The following NEB variants were observed in gnomAD, a reference collection of about 807,000 sequenced individuals.
The protein encoded by NEB is nemaline myopathy type 2.
A neutral mutation model predicts 952.2 loss-of-function variants in NEB; 512 were observed. That is an observed-to-expected ratio of 0.54 (90% CI 0.50 to 0.58). The LOEUF (loss-of-function observed/expected upper bound fraction) is 0.58. Ranked by LOEUF, NEB falls within the 20% of genes least tolerant of loss-of-function variation. NEB has a pLI of 0.00. For missense variants in NEB, 8,428 were observed against 9,231.1 expected (o/e 0.91, Z 3.56); for synonymous variants, 2,900 against 3,149.8 (o/e 0.92, Z 2.66).
rs929804139 is a variant in NEB at position 151,665,349 on chromosome 2, T to C, written c.5222A>G (p.Lys1741Arg). ...AGTCCTTACCTTGTCCATGTTCAGT[T>C]TGTTACTCTTGTTAAGTGCCTGTTC... ...TMEQALNKSN[K>R]LNMDKRLYTE... Residue 1741 changes from lysine to arginine, a missense_variant, in exon 42 of 182, where the codon AAA (lysine) becomes AGA (arginine). Lys to Arg is a conservative substitution (Grantham distance 26). Coordinates refer to ENST00000397345, the MANE Select transcript of NEB (RefSeq NM_001164508.2). The C allele has an allele frequency of 6.2e-7, 1 of 1,613,522 alleles. No homozygotes were observed. Among genetic ancestry groups the C allele is most frequent in the African/African-American group, 1.3e-5 (1 of 74,850 alleles).
chr2:151,717,842 T>A lies in NEB; in HGVS notation c.718-322A>T, dbSNP rs377477857. Among the ~76,000 whole-genome samples, 97 of 143,006 alleles carry A rather than the reference T, an allele frequency of 6.8e-4. 1 individual carries two copies. Among genetic ancestry groups the A allele is most frequent in the Non-Finnish European group, 1.2e-3 (81 of 66,162 alleles). The allele number at this position is 143,006 out of a possible 152,430, so 93.8% of individuals were successfully genotyped here. A position where few individuals can be genotyped will look rare whatever the true frequency, so the allele number is the denominator to read the frequency against. ...CCAGCCTTGGATCGACTTGACCATA[T>A]ACCTCCTTTGTTCTTTTTTTTTTTT... On this transcript the variant is annotated intron_variant, in intron 9 of 181. Coordinates refer to ENST00000397345, the MANE Select transcript of NEB (RefSeq NM_001164508.2).
intron 48 of NEB, 75 bp downstream of exon 48, chr2:151,657,908 G>A: frequency 9.9e-7 from 1 of 1,014,370 alleles, no homozygotes; most frequent in Non-Finnish European, 1.5e-6. Context: ...TCCACTCAGT[G>A]TTTCCAGAAC....
chr2:151,641,989 G>T (rs2098864586), intron 60 of NEB, among the ~76,000 whole-genome samples: 1 of 152,048 alleles, frequency 6.6e-6, no homozygotes, highest in South Asian at 2.1e-4. Flanking sequence ...ACAGGCCCCA[G>T]TGTGTGATGT....
Position 151,665,616 on chromosome 2 carries a change from A to G in NEB, c.5032-77T>C, listed in dbSNP as rs1055567615. 3.9e-5 allele frequency: 49 copies of G among 1,270,862 alleles called. 1 individual carries two copies. The highest frequency in any genetic ancestry group is 5.0e-5 in the Non-Finnish European group (47 of 942,436). The allele number at this position is 1,270,862 out of a possible 1,614,324, so 78.7% of individuals were successfully genotyped here. Reference sequence around the variant, plus strand: ...TCTTTGGCTATGTGATTTACTTACAATCAAAAAGAAAAAGAGAAGCTGGGA... The same window carrying G: ...TCTTTGGCTATGTGATTTACTTACAGTCAAAAAGAAAAAGAGAAGCTGGGA... On this transcript the variant is annotated intron_variant, in intron 41 of 181. Transcript: ENST00000397345.
chr2:151,567,979 C>T, intron 113 of NEB, 92 bp downstream of exon 113: 1 of 944,368 alleles, frequency 1.1e-6, no homozygotes, highest in East Asian at 2.6e-5. Context: ...AACTGAACAC[C>T]TGGAAGGTGC....
chr2:151,635,076 G>T (rs529640937), intron 64 of NEB, among the ~76,000 whole-genome samples: 8 of 152,180 alleles, frequency 5.3e-5, no homozygotes, highest in Non-Finnish European at 1.2e-4. Context: ...CTAGGAGTTT[G>T]ATTTGAGGCA....
Position 151,614,517 on chromosome 2 carries a change from G to C in NEB, c.11360C>G (p.Pro3787Arg), listed in dbSNP as rs200557002. ...CACATGGATGGACCACATCATCTTC[G>C]GGTCATCCTTAATGTTCCGGGCCCC... ...HIGARNIKDD[P>R]KMMWSIHVAK... Residue 3787 changes from proline to arginine, a missense_variant, in exon 77 of 182, where the codon CCG (proline) becomes CGG (arginine). Coordinates refer to ENST00000397345, the MANE Select transcript of NEB (RefSeq NM_001164508.2). The C allele has an allele frequency of 1.9e-6, 3 of 1,613,640 alleles. No individual in the cohort carries two copies. The highest frequency in any genetic ancestry group is 2.5e-6 in the Non-Finnish European group (3 of 1,179,838).
chr2:151,702,065 G>A (rs2099674302), intron 13 of NEB, among the ~76,000 whole-genome samples: 2 of 148,124 alleles, frequency 1.4e-5, no homozygotes, highest in African/African-American at 2.5e-5. Context: ...GGTATGTTGT[G>A]TCTTTGTTCT....
At chr2:151,685,056 A>C (rs1298655809) in intron 27 of NEB, 81 bp from the exon 28 acceptor site, 15 of 1,363,140 alleles carry the variant, frequency 1.1e-5, no homozygotes, top group Middle Eastern at 1.9e-4. Flanking sequence ...ATAAACAATA[A>C]ATACAAGTTA....
chr2:151,726,919 A>G (rs2099792907), intron 5 of NEB, among the ~76,000 whole-genome samples: 1 of 152,050 alleles, frequency 6.6e-6, no homozygotes, highest in Non-Finnish European at 1.5e-5. Flanking sequence ...TCATGGTGGC[A>G]TGCTCCTGTA....
rs749508488 is a variant in NEB, at chr2:151,643,930, C to A, written c.7844G>T (p.Cys2615Phe). The A allele has an allele frequency of 2.5e-6, 4 of 1,613,904 alleles. No homozygotes were observed. The highest frequency in any genetic ancestry group is 3.4e-6 in the Non-Finnish European group (4 of 1,179,832). The change falls in exon 57 of 182, where the codon TGC becomes TTC. Residue 2615 changes from cysteine (C) to phenylalanine (F), a missense_variant. Transcript: ENST00000397345. ...DMLGVVLAKK[C>F]QTLVSDVDYK... ...GTCCACGTCGCTGACTAAGGTCTGG[C>A]ACTTCTTGGCCAACACCACCCCCAG...
intron 34 of NEB, among the ~76,000 whole-genome samples, chr2:151,676,368 G>C (rs547642912): frequency 6.6e-6 from 1 of 151,984 alleles, no homozygotes; most frequent in African/African-American, 2.4e-5. Context: ...CTTGGATTTC[G>C]GTGACAGCCT....
intron 71 of NEB, among the ~76,000 whole-genome samples, chr2:151,621,459 T>C (rs2098415100): frequency 1.3e-5 from 2 of 152,242 alleles, no homozygotes; most frequent in Admixed American, 6.5e-5. Context: ...AATTTAGTGC[T>C]GAACTAAAGA....
intron 27 of NEB, 38 bp downstream of exon 27, chr2:151,687,381 C>T (rs200289181): frequency 1.8e-5 from 28 of 1,546,026 alleles, no homozygotes; most frequent in Non-Finnish European, 2.5e-5. Flanking sequence ...AACAGGGAGT[C>T]CATCTTGAAA....
chr2:151,491,223 G>C (rs989280969), intron 179 of NEB: 12 of 157,590 alleles, frequency 7.6e-5, no homozygotes, highest in African/African-American at 2.9e-4. Context: ...TGTAGAAAAG[G>C]GGTCTCATTC....
At chr2:151,616,285 C>T (rs902955013) in intron 75 of NEB, among the ~76,000 whole-genome samples, 176 bp from the exon 76 acceptor site, 1 of 151,794 alleles carries the variant, frequency 6.6e-6, no homozygotes, top group African/African-American at 2.4e-5. Flanking sequence ...GGCACATGTT[C>T]CAAACATTGG....
At position 151,664,585 on chromosome 2, in the gene NEB, T is replaced by C; in HGVS notation, c.5367A>G (p.Glu1789=). ...GGTCATATCCTTTCTTCTTTTCCTC[T>C]TCCCAGCCAGCTTTGTACAGTTTCT... ...MSDKLYKAGW[E]EEKKKGYDLR... The change falls in exon 44 of 182, where the codon GAA becomes GAG. Residue 1789 remains glutamate (E), a synonymous_variant. Coordinates refer to ENST00000397345, the MANE Select transcript of NEB (RefSeq NM_001164508.2). 1 of 1,606,900 alleles carries C rather than the reference T, an allele frequency of 6.2e-7. No individual in the cohort carries two copies. The highest frequency in any genetic ancestry group is 1.1e-5 in the South Asian group (1 of 89,398).
rs200165006 is a variant in NEB at position 151,492,419 on chromosome 2, G to T, written c.24841C>A (p.Arg8281=). Residue 8281 remains arginine (R), a synonymous_variant, in exon 177 of 182, where the codon CGG becomes AGG. Coordinates refer to ENST00000397345, the MANE Select transcript of NEB (RefSeq NM_001164508.2). ...AYVLDTPEMR[R]VRETQRHIST... is the part of the protein sequence containing the mutation. ...ATGTGCCGTTGGGTCTCCCTCACCC[G>T]TCTCATCTCGGGGGTATCCAATACA... The T allele has an allele frequency of 6.2e-7, 1 of 1,609,690 alleles. No individual in the cohort carries two copies. The highest frequency in any genetic ancestry group is 8.5e-7 in the Non-Finnish European group (1 of 1,178,038).
intron 46 of NEB, among the ~76,000 whole-genome samples, chr2:151,659,912 T>C (rs531234795): frequency 6.6e-6 from 1 of 152,322 alleles, no homozygotes; most frequent in South Asian, 2.1e-4. Flanking sequence ...TTTAATCAGT[T>C]CTCTGGTGAT....
Sources: gnomAD v4.1 joint callset for allele counts (sites outside exome capture counted in the v4.1 genomes callset) on GRCh38, gnomAD v4.1.1 for gene constraint, MANE v1.5 for transcripts, NCBI Gene and HGNC (gene_info 2026-07-23, HGNC 2026-07-21) for gene names.